KCNT1: variants seen among roughly 807,000 people sequenced by gnomAD.
KCNT1 encodes the protein potassium channel subfamily T member 1.
In KCNT1, 78 loss-of-function variants were observed where a neutral mutation model predicts 147.8. That is an observed-to-expected ratio of 0.53 (90% CI 0.44 to 0.64). The LOEUF (loss-of-function observed/expected upper bound fraction) is 0.64. Among genes scored for constraint, KCNT1 ranks in the 30% least tolerant of loss-of-function variants. KCNT1 has a pLI of 0.00. For missense variants in KCNT1, 1,419 were observed against 1,750.3 expected, an observed-to-expected ratio of 0.81 and a Z score of 3.38; for synonymous variants, 867 against 748.8, an observed-to-expected ratio of 1.16 and a Z score of -2.58.
At chr9:135,722,517 C>T (rs535373896) in intron 2 of KCNT1, among the ~76,000 whole-genome samples, 10 of 152,330 alleles carry the variant, frequency 6.6e-5, no homozygotes, top group African/African-American at 2.4e-4. Context: ...CATCATCCGG[C>T]GCGTCCAGCT....
At chr9:135,747,723 C>T (rs1379321426) in intron 2 of KCNT1, among the ~76,000 whole-genome samples, 2 of 152,084 alleles carry the variant, frequency 1.3e-5, no homozygotes, top group African/African-American at 4.8e-5. Flanking sequence ...TGATGGGGCA[C>T]TCTGGGGGCA....
chr9:135,788,186 G>T, intron 29 of KCNT1: 5 of 1,602,134 alleles, frequency 3.1e-6, no homozygotes, highest in South Asian at 1.1e-5. Flanking sequence ...GGCGGGTGCC[G>T]ACCACCGCAC....
Position 135,775,741 on chromosome 9 carries a change from G to T in KCNT1, c.2349+326G>T, listed in dbSNP as rs530593370. On this transcript the variant is annotated intron_variant, in intron 20 of 30. Coordinates refer to ENST00000371757, the MANE Select transcript of KCNT1 (RefSeq NM_020822.3). ...GTTCCCAAAGATCAAGAACCATCTC[G>T]TAACTACAGCTCATTAGGACAGGGA... Among the ~76,000 whole-genome samples the T allele has an allele frequency of 0.036, 5,449 of 152,192 alleles. 138 individuals are homozygous for T. Among genetic ancestry groups the T allele is most frequent in the Middle Eastern group, 0.11 (31 of 294 alleles).
rs1171255202 is a variant in KCNT1, at chr9:135,771,046, G to A, written c.1959G>A (p.Leu653=). The A allele has an allele frequency of 6.2e-7, 1 of 1,612,638 alleles. No individual in the cohort carries two copies. Among genetic ancestry groups the A allele is most frequent in the Admixed American group, 1.7e-5 (1 of 59,850 alleles). Residue 653 remains leucine (L), a synonymous_variant, in exon 18 of 31, where the codon CTG becomes CTA. Coordinates refer to ENST00000371757, the MANE Select transcript of KCNT1 (RefSeq NM_020822.3). Reference sequence around the variant, plus strand: ...AGAGGGCCTTCTCGGGGCAGGGGCTGCACGAGGGTCCGGCCCGCCTGCCCG... The same window carrying A: ...AGAGGGCCTTCTCGGGGCAGGGGCTACACGAGGGTCCGGCCCGCCTGCCCG... ...RKKRAFSGQG[L]HEGPARLPVH... is the part of the protein sequence containing the mutation.
At chr9:135,737,526 G>A (rs1830392992) in intron 2 of KCNT1, among the ~76,000 whole-genome samples, 1 of 152,238 alleles carries the variant, frequency 6.6e-6, no homozygotes, top group Non-Finnish European at 1.5e-5. Flanking sequence ...CATGTCGTGG[G>A]CACGGAACCT....
chr9:135,755,121 G>A lies in KCNT1; in HGVS notation c.492G>A (p.Trp164Ter). Residue 164 changes from tryptophan to a stop codon, truncating the protein, a stop_gained and splice_region_variant, in exon 6 of 31, where the codon TGG (tryptophan) becomes TGA (stop). Coordinates refer to ENST00000371757, the MANE Select transcript of KCNT1 (RefSeq NM_020822.3). LOFTEE classifies it high-confidence loss of function. The stretch of plus-strand genomic sequence containing the variant: ...TGTGCTGCCTCCTTTCTCTTCCCAG[G>A]GCTCCTATTCTGTGGGTGGAGAGAA... ...SFNDSSSEINWAPILWVERKM... is the reference protein window; with the variant it reads ...SFNDSSSEIN The A allele has an allele frequency of 6.2e-7, 1 of 1,611,030 alleles. No individual in the cohort carries two copies. The highest frequency in any genetic ancestry group is 8.5e-7 in the Non-Finnish European group (1 of 1,178,506).
intron 29 of KCNT1, chr9:135,789,453 C>G (rs1483634495): frequency 6.6e-6 from 1 of 152,350 alleles, no homozygotes; most frequent in African/African-American, 2.4e-5. Context: ...AGCCCCCATC[C>G]CACACACACA....
chr9:135,775,438 G>T (rs772426636), intron 20 of KCNT1, 23 bp downstream of exon 20: 9 of 1,573,540 alleles, frequency 5.7e-6, no homozygotes, highest in Non-Finnish European at 7.8e-6. Flanking sequence ...GCTCTGCCGC[G>T]CTCTGCACCC....
chr9:135,744,271 C>T (rs71508809), intron 2 of KCNT1, among the ~76,000 whole-genome samples: 14 of 152,266 alleles, frequency 9.2e-5, no homozygotes, highest in African/African-American at 3.1e-4. Flanking sequence ...TGTTGCCGGC[C>T]TCTGCCGACC....
intron 2 of KCNT1, among the ~76,000 whole-genome samples, chr9:135,720,885 C>G (rs1214288915): frequency 2.0e-5 from 3 of 152,240 alleles, no homozygotes; most frequent in Non-Finnish European, 4.4e-5. Flanking sequence ...CTTAGGGCCC[C>G]AGGTCCCCAT....
At chr9:135,705,613 G>A (rs144914507) in intron 1 of KCNT1, among the ~76,000 whole-genome samples, 2,096 of 152,326 alleles carry the variant, frequency 0.014, 29 homozygotes, top group Non-Finnish European at 0.021. Context: ...CGGTTAAATG[G>A]GCATCTTTCA....
chr9:135,762,863 G>A (rs764516792), intron 11 of KCNT1, among the ~76,000 whole-genome samples: 1 of 152,230 alleles, frequency 6.6e-6, no homozygotes, highest in Non-Finnish European at 1.5e-5. Context: ...CCATCGTCAC[G>A]AGAACTGATT....
chr9:135,747,155 G>A (rs556838551), intron 2 of KCNT1, among the ~76,000 whole-genome samples: 62 of 152,228 alleles, frequency 4.1e-4, no homozygotes, highest in Middle Eastern at 3.4e-3. Context: ...GCGGAGGGGA[G>A]AACAACAGAG....
At chr9:135,715,215 C>T (rs1369343632) in intron 2 of KCNT1, among the ~76,000 whole-genome samples, 1 of 152,222 alleles carries the variant, frequency 6.6e-6, no homozygotes, top group Non-Finnish European at 1.5e-5. Context: ...TCCCCGTCCC[C>T]TCAACATCTC....
At chr9:135,723,642 C>A (rs1369386045) in intron 2 of KCNT1, among the ~76,000 whole-genome samples, 1 of 152,210 alleles carries the variant, frequency 6.6e-6, no homozygotes. Context: ...GGCCTCAGAG[C>A]CCTGTCAGTA....
Position 135,784,903 on chromosome 9 carries a change from C to G in KCNT1, c.3156+14C>G, listed in dbSNP as rs555174141. ...TCCACCTCGGAGGTTCTGGGGCAGC[C>G]TGGGGGCTGGGACTGTGGCAGCCCC... On this transcript the variant is annotated intron_variant, in intron 27 of 30. Coordinates refer to ENST00000371757, the MANE Select transcript of KCNT1 (RefSeq NM_020822.3). 1.9e-6 allele frequency: 3 copies of G among 1,610,774 alleles called. No individual in the cohort carries two copies. Among genetic ancestry groups the G allele is most frequent in the Non-Finnish European group, 2.5e-6 (3 of 1,179,542 alleles).
Position 135,791,799 on chromosome 9 carries a change from G to C in KCNT1, c.3505G>C (p.Glu1169Gln). 6.2e-7 allele frequency: 1 copy of C among 1,613,712 alleles called. No homozygotes were observed. The highest frequency in any genetic ancestry group is 8.5e-7 in the Non-Finnish European group (1 of 1,179,856). ...HLGLPTTGYD[E>Q]MNDHQNTLSY... The stretch of plus-strand genomic sequence containing the variant: ...CTGCCCGGCTGTGTCCTTTGCAGAC[G>C]AGATGAACGACCACCAGAACACCCT... Residue 1169 changes from glutamate (E) to glutamine (Q), a missense_variant and splice_region_variant, in exon 30 of 31, where the codon GAG (glutamate) becomes CAG (glutamine). By Grantham distance (29) the Glu-to-Gln change is conservative. This residue lies in a region of KCNT1 where 306 missense variants were observed against 294.2 expected (regional missense o/e 1.04). Transcript: ENST00000371757.
Position 135,752,013 on chromosome 9 carries a change from C to T in KCNT1, c.434+972C>T. 1 of 206,822 alleles carries T rather than the reference C, an allele frequency of 4.8e-6. No homozygotes were observed. 12.8% of individuals were successfully genotyped at this position (206,822 alleles called of 1,614,324 possible). On this transcript the variant is annotated intron_variant, in intron 4 of 30. Coordinates refer to ENST00000371757, the MANE Select transcript of KCNT1 (RefSeq NM_020822.3). This position sits in a 1 kb window ranked among gnomAD's most constrained non-coding sequence, Gnocchi z 5.1. Reference sequence around the variant, plus strand: ...TCCCCATCTGCTGGGCCTGTTTCTCCCGAGCTCACATTGGGCCCTGACTTT... The same window carrying T: ...TCCCCATCTGCTGGGCCTGTTTCTCTCGAGCTCACATTGGGCCCTGACTTT...
At chr9:135,706,009 G>T (rs1835239784) in intron 1 of KCNT1, among the ~76,000 whole-genome samples, 1 of 152,294 alleles carries the variant, frequency 6.6e-6, no homozygotes, top group Admixed American at 6.5e-5. Context: ...CACAAGGCGG[G>T]CGCCCCGGGA....
Sources: gnomAD v4.1 joint callset for allele counts (sites outside exome capture counted in the v4.1 genomes callset) on GRCh38, gnomAD v4.1.1 for gene constraint, gnomAD v4.1.1 regional missense constraint, Gnocchi (gnomAD v3.1) non-coding constraint, MANE v1.5 for transcripts, NCBI Gene and HGNC (gene_info 2026-07-23, HGNC 2026-07-21) for gene names.